Variants in GRM8 observed in about 807,000 individuals in gnomAD.
GRM8 encodes metabotropic glutamate receptor 8.
A neutral mutation model predicts 87.2 loss-of-function variants in GRM8; 47 were observed. That is an observed-to-expected ratio of 0.54 (90% CI 0.43 to 0.69). The LOEUF is 0.69. GRM8 is among the 30% of genes least tolerant of loss of function. GRM8 has a pLI of 0.00. For synonymous variants in GRM8, 396 were observed against 404.5 expected (o/e 0.98, Z 0.25); for missense variants, 1,019 against 1,139.2 (o/e 0.89, Z 1.52).
intron 3 of GRM8, among the ~76,000 whole-genome samples, chr7:127,005,342 T>C (rs2132063608): frequency 6.6e-6 from 1 of 151,830 alleles, no homozygotes; most frequent in Middle Eastern, 3.4e-3. Flanking sequence ...GTATCTTTTC[T>C]ACCAGGTCTC....
At chr7:126,442,742 AT>A (rs1290227570) in intron 10 of GRM8, among the ~76,000 whole-genome samples, 1 of 151,934 alleles carries the variant, frequency 6.6e-6, no homozygotes, top group African/African-American at 2.4e-5. Context: ...TTAACATATT[AT>A]TTTTTGAACT....
At position 127,106,556 on chromosome 7, in the gene GRM8, A is replaced by T. The variant is rs953756219; in HGVS notation, c.667T>A (p.Ser223Thr). ...CCGCTCTCACCATAGTTCCCCTCAG[A>T]AGCCAGTGTCGAAACATAATTCCAT... Reference protein sequence around the residue: ...LGWNYVSTLASEGNYGESGVE... With the variant: ...LGWNYVSTLATEGNYGESGVE... The change falls in exon 3 of 11, where the codon TCT (serine) becomes ACT (threonine). Residue 223 changes from serine to threonine, a missense_variant. Transcript: ENST00000339582. 25 of 1,614,106 alleles carry T rather than the reference A, an allele frequency of 1.5e-5. No individual in the cohort carries two copies. Among genetic ancestry groups the T allele is most frequent in the Non-Finnish European group, 2.1e-5 (25 of 1,179,994 alleles).
chr7:127,198,177 A>G (rs1795392419), intron 2 of GRM8, among the ~76,000 whole-genome samples: 1 of 152,190 alleles, frequency 6.6e-6, no homozygotes, highest in African/African-American at 2.4e-5. Context: ...GGTAATTGGG[A>G]TATCCATCAC....
chr7:127,201,905 T>A (rs776598996), intron 2 of GRM8, among the ~76,000 whole-genome samples: 4 of 152,200 alleles, frequency 2.6e-5, no homozygotes, highest in Admixed American at 6.5e-5. Context: ...TATGCTGTAA[T>A]GTTTCAAAGC....
chr7:126,723,941 T>C (rs1812697278), intron 7 of GRM8, among the ~76,000 whole-genome samples: 1 of 152,188 alleles, frequency 6.6e-6, no homozygotes, highest in African/African-American at 2.4e-5. Flanking sequence ...CACCTATGCA[T>C]ATGATGCACT....
At chr7:126,847,900 T>C (rs540611379) in intron 6 of GRM8, among the ~76,000 whole-genome samples, 1 of 152,302 alleles carries the variant, frequency 6.6e-6, no homozygotes, top group South Asian at 2.1e-4. Context: ...TCTGCACCAA[T>C]GTCCTTCCAG....
At chr7:126,460,523 T>C (rs1023112739) in intron 9 of GRM8, among the ~76,000 whole-genome samples, 20 of 151,718 alleles carry the variant, frequency 1.3e-4, no homozygotes, top group Admixed American at 8.6e-4. Flanking sequence ...CCAGTACTCA[T>C]AACTCTAGAC....
chr7:127,082,503 C>A (rs1459923710), intron 3 of GRM8, among the ~76,000 whole-genome samples: 4 of 152,104 alleles, frequency 2.6e-5, no homozygotes, highest in Non-Finnish European at 1.5e-5. Context: ...CTCAATGATA[C>A]CAGGAAATAA....
intron 7 of GRM8, among the ~76,000 whole-genome samples, chr7:126,741,292 A>G (rs903296701): frequency 2.6e-5 from 4 of 152,140 alleles, no homozygotes; most frequent in Non-Finnish European, 4.4e-5. Flanking sequence ...GCTGTTTCCA[A>G]TACACAGAAG....
At chr7:127,107,948 A>C (rs1297682924) in intron 2 of GRM8, among the ~76,000 whole-genome samples, 1 of 152,184 alleles carries the variant, frequency 6.6e-6, no homozygotes, top group Non-Finnish European at 1.5e-5. Context: ...CTATTCATTC[A>C]GCTTCCATGT....
chr7:127,180,493 T>A (rs1268828647), intron 2 of GRM8, among the ~76,000 whole-genome samples: 1 of 152,124 alleles, frequency 6.6e-6, no homozygotes, highest in Non-Finnish European at 1.5e-5. Context: ...CCTTAATTCA[T>A]CTTCTGAAGC....
At chr7:126,481,526 G>T (rs149720380) in intron 9 of GRM8, among the ~76,000 whole-genome samples, 3 of 152,116 alleles carry the variant, frequency 2.0e-5, no homozygotes, top group African/African-American at 7.2e-5. Context: ...AGATAAGAGT[G>T]TATTATTTGT....
At chr7:126,569,326 G>T (rs1280094281) in intron 8 of GRM8, among the ~76,000 whole-genome samples, 1 of 152,112 alleles carries the variant, frequency 6.6e-6, no homozygotes, top group Non-Finnish European at 1.5e-5. Flanking sequence ...CATAACTATT[G>T]TTTGCACAGA....
chr7:127,233,493 C>T (rs1261894602), intron 2 of GRM8, among the ~76,000 whole-genome samples: 1 of 152,078 alleles, frequency 6.6e-6, no homozygotes, highest in African/African-American at 2.4e-5. Flanking sequence ...AATAAAATTG[C>T]CACAACATAA....
intron 10 of GRM8, among the ~76,000 whole-genome samples, chr7:126,442,881 T>C (rs1381566144): frequency 6.6e-6 from 1 of 152,022 alleles, no homozygotes; most frequent in Non-Finnish European, 1.5e-5. Flanking sequence ...TGGAATCAGA[T>C]GATTTAGTCA....
chr7:127,060,369 G>A (rs996645328), intron 3 of GRM8, among the ~76,000 whole-genome samples: 1 of 151,892 alleles, frequency 6.6e-6, no homozygotes, highest in African/African-American at 2.4e-5. Context: ...ATACAAAGAA[G>A]AGTACTAGTA....
At chr7:126,678,286 G>T (rs151010075) in intron 7 of GRM8, among the ~76,000 whole-genome samples, 119 of 152,280 alleles carry the variant, frequency 7.8e-4, no homozygotes, top group African/African-American at 2.8e-3. Flanking sequence ...CCTGGTTTAT[G>T]TTTAATAGTT....
In GRM8 at chr7:126,438,860, T is replaced by G. The variant is rs973983641; in HGVS notation, c.*259A>C. 5.6e-6 allele frequency: 2 copies of G among 357,984 alleles called. No individual in the cohort carries two copies. Among genetic ancestry groups the G allele is most frequent in the African/African-American group, 4.2e-5 (2 of 47,410 alleles). The allele number at this position is 357,984 out of a possible 1,614,324, so 22.2% of individuals were successfully genotyped here. On this transcript the variant is annotated 3_prime_UTR_variant, in exon 11 of 11. Transcript: ENST00000339582. ...TTTCACGAGCTAACATTAGTTTTCC[T>G]TTTGTGATTTGTTTTAACTGCTCAT...
intron 7 of GRM8, among the ~76,000 whole-genome samples, chr7:126,763,446 T>C (rs1489486368): frequency 1.2e-5 from 1 of 86,428 alleles, no homozygotes; most frequent in Admixed American, 1.2e-4. Flanking sequence ...TAAATTCATA[T>C]ATATATATAT....
Sources: gnomAD v4.1 joint callset for allele counts (sites outside exome capture counted in the v4.1 genomes callset) on GRCh38, gnomAD v4.1.1 for gene constraint, MANE v1.5 for transcripts, NCBI Gene and HGNC (gene_info 2026-07-23, HGNC 2026-07-21) for gene names.